CACNA2D3: variants seen among roughly 807,000 people sequenced by gnomAD.
CACNA2D3 encodes the protein calcium voltage-gated channel auxiliary subunit alpha2delta 3.
Under a neutral mutation model 160.6 loss-of-function variants are expected in CACNA2D3, and 60 were observed. The ratio of observed to expected loss-of-function variants is 0.37; its 90% CI spans 0.30 to 0.46. The LOEUF is 0.46. CACNA2D3 is among the 20% of genes least tolerant of loss of function. CACNA2D3 has a pLI of 1.00. For synonymous variants in CACNA2D3, 558 were observed against 492.9 expected (o/e 1.13, Z -1.75); for missense variants, 1,205 against 1,365.0 (o/e 0.88, Z 1.85).
intron 9 of CACNA2D3, among the ~76,000 whole-genome samples, chr3:54,611,014 C>T (rs1214767815): frequency 6.6e-6 from 1 of 152,156 alleles, no homozygotes; most frequent in Non-Finnish European, 1.5e-5. Context: ...AGTTTGTGGA[C>T]AGCATTCATG....
intron 35 of CACNA2D3, among the ~76,000 whole-genome samples, chr3:55,056,512 T>A (rs1411988425): frequency 1.3e-5 from 2 of 152,224 alleles, no homozygotes; most frequent in Non-Finnish European, 2.9e-5. Flanking sequence ...CTCCCATCTT[T>A]ACTGCAGCAC....
chr3:54,987,810 A>C, intron 31 of CACNA2D3, 57 bp downstream of exon 31: 1 of 1,331,162 alleles, frequency 7.5e-7, no homozygotes, highest in Non-Finnish European at 1.0e-6. Context: ...ATAAAATAAA[A>C]CAAGCCAAGG....
At chr3:54,237,847 G>A (rs544143633) in intron 2 of CACNA2D3, among the ~76,000 whole-genome samples, 22 of 152,306 alleles carry the variant, frequency 1.4e-4, no homozygotes, top group African/African-American at 5.3e-4. Flanking sequence ...TCCATGGGTA[G>A]AGAAGTTTAG....
chr3:54,659,648 CT>C, intron 11 of CACNA2D3, among the ~76,000 whole-genome samples: 1 of 152,264 alleles, frequency 6.6e-6, no homozygotes, highest in East Asian at 1.9e-4. Flanking sequence ...GCTGGATGAA[CT>C]TTCAGGAAAA....
At chr3:54,189,645 C>T (rs1421210763) in intron 2 of CACNA2D3, among the ~76,000 whole-genome samples, 1 of 152,134 alleles carries the variant, frequency 6.6e-6, no homozygotes, top group Non-Finnish European at 1.5e-5. Context: ...AGGGGTGCTT[C>T]TTGCCTAGCT....
intron 13 of CACNA2D3, among the ~76,000 whole-genome samples, chr3:54,778,719 A>T (rs1702470949): frequency 6.6e-6 from 1 of 152,238 alleles, no homozygotes; most frequent in South Asian, 2.1e-4. Flanking sequence ...ATAGAATCAG[A>T]TGTGTAAATC....
chr3:54,146,020 GTATTA>G (rs1442635522), intron 2 of CACNA2D3, among the ~76,000 whole-genome samples: 1 of 151,964 alleles, frequency 6.6e-6, no homozygotes, highest in East Asian at 1.9e-4. Context: ...TTTAAAACCT[GTATTA>G]TATTTTTCAC....
At chr3:54,852,891 C>T (rs1284944579) in intron 17 of CACNA2D3, among the ~76,000 whole-genome samples, 1 of 152,102 alleles carries the variant, frequency 6.6e-6, no homozygotes, top group African/African-American at 2.4e-5. Flanking sequence ...TGACTTAGTT[C>T]AAGCAATAGG....
At chr3:54,427,770 A>C (rs1699930331) in intron 4 of CACNA2D3, among the ~76,000 whole-genome samples, 1 of 152,216 alleles carries the variant, frequency 6.6e-6, no homozygotes, top group South Asian at 2.1e-4. Context: ...AACATCCCCA[A>C]GGTCAGACAG....
intron 13 of CACNA2D3, among the ~76,000 whole-genome samples, chr3:54,801,717 A>G (rs1450629204): frequency 1.3e-5 from 2 of 152,154 alleles, no homozygotes; most frequent in African/African-American, 4.8e-5. Context: ...TGTGATTTTT[A>G]AAAAGAAACA....
chr3:54,684,203 G>T (rs1700407127), intron 11 of CACNA2D3, among the ~76,000 whole-genome samples: 2 of 151,892 alleles, frequency 1.3e-5, no homozygotes, highest in East Asian at 3.9e-4. Flanking sequence ...CATGTAATCT[G>T]CCCGTCTTGG....
chr3:55,012,245 G>A (rs1703226742), intron 34 of CACNA2D3, among the ~76,000 whole-genome samples: 1 of 152,184 alleles, frequency 6.6e-6, no homozygotes, highest in Non-Finnish European at 1.5e-5. Flanking sequence ...TGCGTGCCAA[G>A]CCCTTGTGCA....
intron 3 of CACNA2D3, among the ~76,000 whole-genome samples, chr3:54,377,409 C>G (rs949178828): frequency 1.3e-5 from 2 of 152,178 alleles, no homozygotes; most frequent in East Asian, 1.9e-4. Context: ...TCCAAGTTCT[C>G]CCTATATGAG....
At chr3:54,131,449 A>G (rs988783651) in intron 2 of CACNA2D3, among the ~76,000 whole-genome samples, 5 of 152,160 alleles carry the variant, frequency 3.3e-5, no homozygotes, top group African/African-American at 1.2e-4. Flanking sequence ...ATCCCAGCAT[A>G]CCCAGCCATT....
chr3:54,253,815 T>A (rs1158714515), intron 2 of CACNA2D3, among the ~76,000 whole-genome samples: 1 of 152,158 alleles, frequency 6.6e-6, no homozygotes, highest in Non-Finnish European at 1.5e-5. Context: ...TTGCCCAGGC[T>A]GGAGTGCAGT....
intron 4 of CACNA2D3, among the ~76,000 whole-genome samples, chr3:54,497,365 T>C (rs1335023751): frequency 2.6e-5 from 4 of 152,080 alleles, no homozygotes; most frequent in African/African-American, 9.6e-5. Context: ...AATTGATACC[T>C]GTTTTATTCT....
chr3:54,291,692 A>G (rs1012733607), intron 2 of CACNA2D3, among the ~76,000 whole-genome samples: 11 of 152,184 alleles, frequency 7.2e-5, no homozygotes, highest in African/African-American at 2.7e-4. Context: ...ATTTAGTGGT[A>G]GGCTTCTGAC....
At chr3:54,165,619 A>G (rs1228108268) in intron 2 of CACNA2D3, among the ~76,000 whole-genome samples, 1 of 150,374 alleles carries the variant, frequency 6.7e-6, no homozygotes, top group African/African-American at 2.4e-5. Flanking sequence ...AAAAAAAAAA[A>G]GAAAAATTAG....
Position 54,820,958 on chromosome 3 carries a change from A to T in CACNA2D3, c.1398+4088A>T, listed in dbSNP as rs1224758422. Among the ~76,000 whole-genome samples, 4 of 152,170 alleles carry T rather than the reference A, an allele frequency of 2.6e-5. No individual in the cohort carries two copies. The East Asian group carries it at 7.7e-4, about 29-fold the overall frequency. On this transcript the variant is annotated intron_variant, in intron 14 of 37. Coordinates refer to ENST00000474759, the MANE Select transcript of CACNA2D3 (RefSeq NM_018398.3). ...AGTTATTCACTGCAGGATTAATTTA[A>T]TCAATGTAGGTTTAATCAACGTAGA...
Sources: gnomAD v4.1 joint callset for allele counts (sites outside exome capture counted in the v4.1 genomes callset) on GRCh38, gnomAD v4.1.1 for gene constraint, MANE v1.5 for transcripts, NCBI Gene and HGNC (gene_info 2026-07-23, HGNC 2026-07-21) for gene names.